ARHGAP26: variants seen among roughly 807,000 people sequenced by gnomAD.
ARHGAP26 encodes the protein Rho GTPase activating protein 26, also known as rho GTPase-activating protein 26.
In ARHGAP26, 38 loss-of-function variants were observed where a neutral mutation model predicts 104.8. The observed-to-expected ratio is 0.36, with a 90% CI of 0.28 to 0.48. ARHGAP26 has a LOEUF of 0.48. Among genes scored for constraint, ARHGAP26 ranks in the 20% least tolerant of loss-of-function variants. The pLI is 0.99. For synonymous variants in ARHGAP26, 341 were observed against 340.0 expected (o/e 1.00, Z -0.03); for missense variants, 704 against 947.9 (o/e 0.74, Z 3.38).
At chr5:142,958,292 C>T (rs749785850) in intron 11 of ARHGAP26, among the ~76,000 whole-genome samples, 2 of 152,214 alleles carry the variant, frequency 1.3e-5, no homozygotes, top group South Asian at 2.1e-4. Flanking sequence ...ATTTCAAGAT[C>T]GAAAAGCCTC....
intron 1 of ARHGAP26, among the ~76,000 whole-genome samples, chr5:142,822,251 G>T (rs1766346537): frequency 6.6e-6 from 1 of 152,162 alleles, no homozygotes; most frequent in Non-Finnish European, 1.5e-5. Context: ...TTTGCTCAGA[G>T]TGCTGCCTGA....
rs1047544250 is a variant in ARHGAP26 at position 143,226,152 on chromosome 5, A to T, written c.*3706A>T. ...TTAGGGGTATTAAGGTCAGCCTCTCACTCTTCCTTCAGGTTACTAACAAAA... is the reference window on the plus strand; with the variant it reads ...TTAGGGGTATTAAGGTCAGCCTCTCTCTCTTCCTTCAGGTTACTAACAAAA... On this transcript the variant is annotated 3_prime_UTR_variant, in exon 23 of 23. Coordinates refer to ENST00000645722, the MANE Select transcript of ARHGAP26 (RefSeq NM_001135608.3). 5.2e-6 allele frequency: 1 copy of T among 191,796 alleles called. No homozygotes were observed. The highest frequency in any genetic ancestry group is 8.2e-5 in the East Asian group (1 of 12,190). The allele number at this position is 191,796 out of a possible 1,614,324, so 11.9% of individuals were successfully genotyped here.
chr5:142,870,196 CCTCTT>C (rs1285600748), intron 1 of ARHGAP26, among the ~76,000 whole-genome samples: 1 of 152,178 alleles, frequency 6.6e-6, no homozygotes, highest in Non-Finnish European at 1.5e-5. Flanking sequence ...CCAGTGCCAG[CCTCTT>C]CTCTTTTCTC....
chr5:142,934,097 T>A (rs1467412622), intron 11 of ARHGAP26, among the ~76,000 whole-genome samples: 1 of 152,090 alleles, frequency 6.6e-6, no homozygotes, highest in African/African-American at 2.4e-5. Context: ...CCCACTACTG[T>A]CTCTCCCCCT....
rs1486240491 is a variant in ARHGAP26, at chr5:142,928,247, T to A, written c.1029-3800T>A. ...TGTGTGTGTGTTTTTTTTTTTTTTT[T>A]TAAAACTCATTGCCTTTTCCATCTC... is the stretch of plus-strand genomic sequence containing the variant. On this transcript the variant is annotated intron_variant, in intron 10 of 22. Transcript: ENST00000645722. Among the ~76,000 whole-genome samples the A allele has an allele frequency of 1.2e-3, 132 of 111,842 alleles. No individual in the cohort carries two copies. In the East Asian group the frequency reaches 0.051, roughly 43 times the overall value. 73.4% of individuals were successfully genotyped at this position (111,842 alleles called of 152,430 possible). A position where few individuals can be genotyped will look rare whatever the true frequency, so the allele number is the denominator to read the frequency against.
intron 11 of ARHGAP26, among the ~76,000 whole-genome samples, chr5:143,008,553 T>C (rs1212636068): frequency 6.6e-6 from 1 of 152,184 alleles, no homozygotes; most frequent in Non-Finnish European, 1.5e-5. Context: ...CAGGGGATCA[T>C]AGAGTTTGGA....
At chr5:142,992,733 A>T (rs1368896407) in intron 11 of ARHGAP26, among the ~76,000 whole-genome samples, 1 of 152,064 alleles carries the variant, frequency 6.6e-6, no homozygotes, top group Non-Finnish European at 1.5e-5. Context: ...GCCAGTAGTG[A>T]TTTTTTAAAG....
At chr5:143,002,742 C>T (rs762755073) in intron 11 of ARHGAP26, among the ~76,000 whole-genome samples, 3 of 152,314 alleles carry the variant, frequency 2.0e-5, no homozygotes, top group Middle Eastern at 3.4e-3. Context: ...CTTTCTTCCT[C>T]TTTTGCATCC....
chr5:143,187,762 G>A (rs892262742), intron 20 of ARHGAP26, among the ~76,000 whole-genome samples: 18 of 152,234 alleles, frequency 1.2e-4, no homozygotes, highest in African/African-American at 7.2e-5. Flanking sequence ...CTGTTGGGAC[G>A]AGTCAGTGAC....
Position 143,214,043 on chromosome 5 carries a change from C to T in ARHGAP26, c.2146C>T (p.His716Tyr). Residue 716 changes from histidine to tyrosine, a missense_variant, in exon 22 of 23, where the codon CAT becomes TAT. Around this residue, in one of 6 missense-constraint regions of ARHGAP26, gnomAD observed 217 missense variants for 242.6 expected, o/e 0.89. Transcript: ENST00000645722. ...AGCCTTGTATGCCTGCAAAGCTGAA[C>T]ATGACTCAGAACTTTCGTTCACAGC... is the stretch of plus-strand genomic sequence containing the variant. ...AKALYACKAE[H>Y]DSELSFTAGT... 6.3e-7 allele frequency: 1 copy of T among 1,595,766 alleles called. No individual in the cohort carries two copies. Among genetic ancestry groups the T allele is most frequent in the Non-Finnish European group, 8.6e-7 (1 of 1,168,694 alleles).
At chr5:142,809,937 T>C (rs1260847355) in intron 1 of ARHGAP26, among the ~76,000 whole-genome samples, 1 of 152,238 alleles carries the variant, frequency 6.6e-6, no homozygotes, top group Non-Finnish European at 1.5e-5. Context: ...GTGCAGGTTT[T>C]AGTATCATTG....
chr5:143,155,212 G>T (rs1199300901), intron 20 of ARHGAP26, among the ~76,000 whole-genome samples: 2 of 152,144 alleles, frequency 1.3e-5, no homozygotes, highest in African/African-American at 4.8e-5. Flanking sequence ...GGGGATTCCA[G>T]CTTACTTACT....
intron 1 of ARHGAP26, among the ~76,000 whole-genome samples, chr5:142,847,241 A>G (rs896619473): frequency 1.3e-5 from 2 of 152,216 alleles, no homozygotes; most frequent in African/African-American, 4.8e-5. Context: ...AAAGGTGGCT[A>G]TTTTTAAAAT....
intron 1 of ARHGAP26, among the ~76,000 whole-genome samples, chr5:142,786,654 A>ATTTTTTTTTTTTTTTTTTTTTTTTT: frequency 9.6e-6 from 1 of 104,446 alleles, no homozygotes; most frequent in Non-Finnish European, 2.0e-5. Context: ...GAGTTCTAGA[A>ATTTTTTTTTTTTTTTTTTTTTTTTT]TTTTTTTTTT....
chr5:142,951,008 TTTCC>T (rs1222321990), intron 11 of ARHGAP26, among the ~76,000 whole-genome samples: 167 of 8,666 alleles, frequency 0.019, 2 homozygotes, highest in East Asian at 0.17. Flanking sequence ...TCTCTTTCCC[TTTCC>T]CTTTCCCTTT....
At chr5:142,914,861 T>C (rs1488978139) in intron 10 of ARHGAP26, among the ~76,000 whole-genome samples, 1 of 152,206 alleles carries the variant, frequency 6.6e-6, no homozygotes. Flanking sequence ...ATTCATATTA[T>C]TGGCATCCTT....
intron 20 of ARHGAP26, among the ~76,000 whole-genome samples, chr5:143,173,716 G>C (rs1042743663): frequency 6.6e-6 from 1 of 152,146 alleles, no homozygotes; most frequent in African/African-American, 2.4e-5. Flanking sequence ...CCATTTGGGA[G>C]CTTTTTTGTC....
intron 21 of ARHGAP26, among the ~76,000 whole-genome samples, chr5:143,210,630 G>A (rs923666250): frequency 6.6e-6 from 1 of 152,132 alleles, no homozygotes; most frequent in South Asian, 2.1e-4. Context: ...CCCGTAACTT[G>A]CATTTGCCCA....
At chr5:142,998,504 T>C (rs922287675) in intron 11 of ARHGAP26, among the ~76,000 whole-genome samples, 3 of 152,180 alleles carry the variant, frequency 2.0e-5, no homozygotes, top group Non-Finnish European at 4.4e-5. Flanking sequence ...TGGCTGTGTT[T>C]GTAAATGTAT....
Sources: allele counts gnomAD v4.1 joint callset (sites outside exome capture counted in the v4.1 genomes callset), GRCh38; gene constraint gnomAD v4.1.1; regional missense constraint gnomAD v4.1.1; transcripts MANE v1.5; gene names NCBI Gene and HGNC (gene_info 2026-07-23, HGNC 2026-07-21).